The following ZRANB3 variants were observed in gnomAD, a reference collection of about 807,000 sequenced individuals.
The protein encoded by ZRANB3 is zinc finger RANBP2-type containing 3.
In ZRANB3, 125 loss-of-function variants were observed where a neutral mutation model predicts 133.8. The observed-to-expected ratio is 0.93, with a 90% CI of 0.81 to 1.08. ZRANB3 has a LOEUF of 1.08. Among genes scored for constraint, ZRANB3 ranks in the 50% least tolerant of loss-of-function variants. ZRANB3 has a pLI of 0.00. For missense variants in ZRANB3, 1,229 were observed against 1,275.5 expected (o/e 0.96, Z 0.56); for synonymous variants, 387 against 432.7 (o/e 0.89, Z 1.31).
At chr2:135,455,717 G>A (rs57074444) in intron 2 of ZRANB3, among the ~76,000 whole-genome samples, 15,858 of 148,582 alleles carry the variant, frequency 0.11, 1,091 homozygotes, top group South Asian at 0.32. Flanking sequence ...TCAGCCTCCC[G>A]AGTAGCTCAG....
chr2:135,448,148 A>G lies in ZRANB3; in HGVS notation c.161+56181T>C, dbSNP rs374883942. Among the ~76,000 whole-genome samples, 142 of 152,328 alleles carry G rather than the reference A, an allele frequency of 9.3e-4. 4 individuals carry two copies. The South Asian group carries it at 0.027, about 29-fold the overall frequency. The stretch of plus-strand genomic sequence containing the variant: ...TGTTTTTGGCCAAATCTCCAGGTCT[A>G]TCGGGCTTAAGCAAGATTAAAAGAA... On this transcript the variant is annotated intron_variant, in intron 2 of 20. Transcript: ENST00000264159.
intron 2 of ZRANB3, among the ~76,000 whole-genome samples, chr2:135,449,421 A>G (rs1690169096): frequency 6.6e-6 from 1 of 152,144 alleles, no homozygotes; most frequent in Admixed American, 6.5e-5. Flanking sequence ...GGAGTTCGAG[A>G]CCATCCTGGC....
In ZRANB3 at chr2:135,232,012, C is replaced by T. The variant is rs377540969; in HGVS notation, c.1540-1085G>A. Among the ~76,000 whole-genome samples the T allele has an allele frequency of 9.9e-4, 150 of 152,260 alleles. 4 individuals are homozygous for T. In the South Asian group the frequency reaches 0.027, roughly 27 times the overall value. On this transcript the variant is annotated intron_variant, in intron 12 of 20. Transcript: ENST00000264159. ...GCGAGGCATCGACTCACCCGGGAAG[C>T]GCAAGGGGTCAGGGAATTCCCTTTC...
chr2:135,315,591 A>C, intron 6 of ZRANB3, 61 bp from the exon 7 acceptor site: 1 of 1,188,750 alleles, frequency 8.4e-7, no homozygotes, highest in Non-Finnish European at 1.1e-6. Context: ...AAAATAATTT[A>C]TCCAATGTGC....
At chr2:135,241,035 A>G (rs993876934) in intron 12 of ZRANB3, among the ~76,000 whole-genome samples, 3 of 152,278 alleles carry the variant, frequency 2.0e-5, no homozygotes, top group Non-Finnish European at 2.9e-5. Flanking sequence ...TTACCTCTAT[A>G]TAGTCTATAT....
intron 14 of ZRANB3, among the ~76,000 whole-genome samples, chr2:135,227,529 G>T (rs1350464562): frequency 6.6e-6 from 1 of 152,190 alleles, no homozygotes; most frequent in East Asian, 1.9e-4. Flanking sequence ...CCCTTACTGT[G>T]TGAATGAGCT....
In ZRANB3 at chr2:135,504,373, T is replaced by C; in HGVS notation, c.117A>G (p.Pro39=). Residue 39 remains proline, a synonymous_variant, in exon 2 of 21, where the codon CCA becomes CCG. Transcript: ENST00000264159. ...LPDRLRAKLL[P]FQKDGIIFAL... is the part of the protein sequence containing the mutation. ...CAAAAATGATGCCATCTTTCTGGAA[T>C]GGAAGTAGCTTTGCTCTTAGTCTGT... 1.2e-6 allele frequency: 2 copies of C among 1,613,696 alleles called. No individual in the cohort carries two copies. The highest frequency in any genetic ancestry group is 1.7e-6 in the Non-Finnish European group (2 of 1,179,740).
chr2:135,433,339 T>C (rs899126803), intron 2 of ZRANB3, among the ~76,000 whole-genome samples: 1 of 151,692 alleles, frequency 6.6e-6, no homozygotes, highest in Non-Finnish European at 1.5e-5. Flanking sequence ...GTGAACCGTA[T>C]TTGCACCAAT....
At chr2:135,510,045 C>G (rs1368150249) in intron 1 of ZRANB3, among the ~76,000 whole-genome samples, 1 of 152,204 alleles carries the variant, frequency 6.6e-6, no homozygotes, top group East Asian at 1.9e-4. Context: ...ATGGCAATTT[C>G]TCCACACCAG....
At chr2:135,272,429 T>G (rs1295943632) in intron 9 of ZRANB3, among the ~76,000 whole-genome samples, 1,581 of 146,992 alleles carry the variant, frequency 0.011, 127 homozygotes, top group African/African-American at 0.039. Flanking sequence ...TTTTTTTTTT[T>G]TTTGTGACGG....
intron 3 of ZRANB3, among the ~76,000 whole-genome samples, chr2:135,356,173 A>G (rs1015614173): frequency 6.6e-6 from 1 of 152,160 alleles, no homozygotes; most frequent in Non-Finnish European, 1.5e-5. Context: ...TTAAAAAAAA[A>G]AAAATTTCAG....
chr2:135,397,108 C>A (rs1217502705), intron 2 of ZRANB3, among the ~76,000 whole-genome samples: 1 of 151,798 alleles, frequency 6.6e-6, no homozygotes, highest in Non-Finnish European at 1.5e-5. Context: ...CCAGCCTGGG[C>A]AACAGAGTGA....
chr2:135,520,991 C>T (rs1019328640), intron 1 of ZRANB3, among the ~76,000 whole-genome samples: 18 of 152,222 alleles, frequency 1.2e-4, no homozygotes, highest in African/African-American at 4.3e-4. Context: ...ATTGGGTGAC[C>T]TCTTTCTGCA....
intron 2 of ZRANB3, among the ~76,000 whole-genome samples, chr2:135,419,155 T>C (rs1050728880): frequency 6.6e-6 from 1 of 151,790 alleles, no homozygotes; most frequent in Non-Finnish European, 1.5e-5. Flanking sequence ...GCCAGGATGT[T>C]CTCGATCTCC....
Position 135,431,120 on chromosome 2 carries a change from A to AT in ZRANB3, c.162-40301_162-40300insA, listed in dbSNP as rs539841008. Among the ~76,000 whole-genome samples the AT allele has an allele frequency of 3.0e-4, 46 of 150,936 alleles. No homozygotes were observed. In the South Asian group the frequency reaches 5.8e-3, roughly 19 times the overall value. On this transcript the variant is annotated intron_variant, in intron 2 of 20. Coordinates refer to ENST00000264159, the MANE Select transcript of ZRANB3 (RefSeq NM_032143.4). ...TGAGACTCTATCCCTAAAAAAAAAAAAAATAAATAAATAAAATAAAAATGA... is the reference window on the plus strand; with the variant it reads ...TGAGACTCTATCCCTAAAAAAAAAAATAAATAAATAAATAAAATAAAAATGA...
Position 135,227,924 on chromosome 2 carries a change from T to C in ZRANB3, c.2046A>G (p.Ser682=). The C allele has an allele frequency of 6.4e-7, 1 of 1,555,534 alleles. No homozygotes were observed. Among genetic ancestry groups the C allele is most frequent in the Non-Finnish European group, 8.7e-7 (1 of 1,148,316 alleles). Residue 682 remains serine (S), a synonymous_variant, in exon 14 of 21, where the codon TCA becomes TCG. Transcript: ENST00000264159. ...KDTSKKVQTI[S]DCEKQALAQS... ...GTGCAAGGGCTTGTTTTTCACAGTCTGAGATAGTTTGAACCTTTTTGGAGG... is the reference window on the plus strand; with the variant it reads ...GTGCAAGGGCTTGTTTTTCACAGTCCGAGATAGTTTGAACCTTTTTGGAGG...
Position 135,199,074 on chromosome 2 carries a change from T to C in ZRANB3, c.*1268A>G, listed in dbSNP as rs565819348. On this transcript the variant is annotated 3_prime_UTR_variant, in exon 21 of 21. Transcript: ENST00000264159. ...ATTGCAGGACTAGGCCCTGGGTTTG[T>C]TTCATCGTCACTCTTATTTTATGTC... The C allele has an allele frequency of 5.9e-5, 9 of 152,356 alleles. No individual in the cohort carries two copies. In the East Asian group the frequency reaches 1.7e-3, roughly 29 times the overall value. 9.4% of individuals were successfully genotyped at this position (152,356 alleles called of 1,614,324 possible).
At chr2:135,233,149 C>T (rs1008791514) in intron 12 of ZRANB3, among the ~76,000 whole-genome samples, 1 of 152,134 alleles carries the variant, frequency 6.6e-6, no homozygotes, top group Non-Finnish European at 1.5e-5. Context: ...GATGAATGCA[C>T]AAGCCTCAGT....
chr2:135,467,552 C>G (rs1691054968), intron 2 of ZRANB3, among the ~76,000 whole-genome samples: 1 of 152,238 alleles, frequency 6.6e-6, no homozygotes, highest in Admixed American at 6.5e-5. Flanking sequence ...GTCCTAATCC[C>G]TCTTACATTC....
Sources: allele counts gnomAD v4.1 joint callset (sites outside exome capture counted in the v4.1 genomes callset), GRCh38; gene constraint gnomAD v4.1.1; transcripts MANE v1.5; gene names NCBI Gene and HGNC (gene_info 2026-07-23, HGNC 2026-07-21).